The following CEMIP2 variants were observed in gnomAD, a reference collection of about 807,000 sequenced individuals.
CEMIP2 encodes the protein cell surface hyaluronidase CEMIP2.
Under a neutral mutation model 146.9 loss-of-function variants are expected in CEMIP2, and 79 were observed. The ratio of observed to expected loss-of-function variants is 0.54; its 90% CI spans 0.45 to 0.65. The LOEUF (loss-of-function observed/expected upper bound fraction) is 0.65. Among genes scored for constraint, CEMIP2 ranks in the 30% least tolerant of loss-of-function variants. The probability of loss-of-function intolerance (pLI) is 0.00; values close to 1 mark genes in which losing one functional copy is unlikely to be tolerated. For missense variants in CEMIP2, 1,596 were observed against 1,696.2 expected, an observed-to-expected ratio of 0.94 and a Z score of 1.04; for synonymous variants, 601 against 606.3, an observed-to-expected ratio of 0.99 and a Z score of 0.13.
At chr9:71,716,382 T>C (rs1168001043) in intron 14 of CEMIP2, 135 bp downstream of exon 14, 24 of 651,434 alleles carry the variant, frequency 3.7e-5, no homozygotes, top group Non-Finnish European at 5.7e-5. Context: ...GGCCCTCTAG[T>C]GGCATCAGGA....
chr9:71,728,854 C>G (rs1485441900), intron 10 of CEMIP2, among the ~76,000 whole-genome samples: 1 of 148,408 alleles, frequency 6.7e-6, no homozygotes, highest in Non-Finnish European at 1.5e-5. Context: ...TTTATTGACA[C>G]GGGGTCTCAC....
intron 1 of CEMIP2, among the ~76,000 whole-genome samples, chr9:71,767,852 T>C (rs1386923569): frequency 6.6e-6 from 1 of 152,046 alleles, no homozygotes. Context: ...CCCAGGGGAA[T>C]TGTAAGGAGA....
intron 18 of CEMIP2, among the ~76,000 whole-genome samples, chr9:71,702,035 A>G (rs1822575721): frequency 6.6e-6 from 1 of 152,114 alleles, no homozygotes; most frequent in Non-Finnish European, 1.5e-5. Flanking sequence ...AGGTAGGTGG[A>G]TTACTTGAGT....
At chr9:71,689,592 GTGA>G (rs1822168027) in intron 22 of CEMIP2, among the ~76,000 whole-genome samples, 1 of 152,176 alleles carries the variant, frequency 6.6e-6, no homozygotes, top group South Asian at 2.1e-4. Context: ...AGTGACCCAG[GTGA>G]TGACTTCCTG....
chr9:71,739,815 G>A (rs1040482360), intron 5 of CEMIP2, among the ~76,000 whole-genome samples: 13 of 151,728 alleles, frequency 8.6e-5, no homozygotes, highest in South Asian at 2.1e-4. Context: ...TATTTTATGC[G>A]TGGCCCAAGA....
intron 16 of CEMIP2, 37 bp downstream of exon 16, chr9:71,712,046 C>G (rs780094745): frequency 6.3e-7 from 1 of 1,595,844 alleles, no homozygotes; most frequent in South Asian, 1.1e-5. Context: ...CCTTTTTTCA[C>G]CATAGTCACT....
At chr9:71,690,309 A>T in intron 21 of CEMIP2, 63 bp from the exon 22 acceptor site, 1 of 1,569,370 alleles carries the variant, frequency 6.4e-7, no homozygotes, top group African/African-American at 1.4e-5. Flanking sequence ...AGGATGACTC[A>T]TTTTTCCGGC....
chr9:71,731,053 T>C, intron 7 of CEMIP2, 139 bp from the exon 8 acceptor site: 2 of 710,220 alleles, frequency 2.8e-6, no homozygotes, highest in South Asian at 1.9e-5. Context: ...TTTTCCCAGA[T>C]TGCCAGTTAA....
intron 12 of CEMIP2, among the ~76,000 whole-genome samples, chr9:71,720,587 C>T (rs528101536): frequency 3.3e-5 from 5 of 152,160 alleles, no homozygotes; most frequent in Non-Finnish European, 4.4e-5. Flanking sequence ...CCATCACGCC[C>T]GGCCCTGATT....
At chr9:71,714,436 A>T (rs1158456147) in intron 15 of CEMIP2, among the ~76,000 whole-genome samples, 1 of 152,162 alleles carries the variant, frequency 6.6e-6, no homozygotes, top group Admixed American at 6.6e-5. Context: ...GCCATTAATT[A>T]GACAGCTGTG....
intron 1 of CEMIP2, among the ~76,000 whole-genome samples, chr9:71,762,503 CAAAAAAAAAA>C (rs58090104): frequency 3.8e-5 from 3 of 79,734 alleles, no homozygotes; most frequent in Admixed American, 1.7e-4. Context: ...GCCCCGTCAC[CAAAAAAAAAA>C]AAAAAAAAAA....
At chr9:71,725,298 T>C (rs952723734) in intron 11 of CEMIP2, among the ~76,000 whole-genome samples, 2 of 152,156 alleles carry the variant, frequency 1.3e-5, no homozygotes, top group African/African-American at 2.4e-5. Flanking sequence ...ATGCTGATTA[T>C]AAAAGAGCTT....
Position 71,732,535 on chromosome 9 carries a change from C to T in CEMIP2, c.1394-15G>A, listed in dbSNP as rs1337884455. 1.3e-6 allele frequency: 2 copies of T among 1,566,524 alleles called. No individual in the cohort carries two copies. The highest frequency in any genetic ancestry group is 2.1e-5 in the Admixed American group (1 of 46,558). ...CTGAGGGGTTTCTGGTTGATATGAG[C>T]AAGGAAAAAAAAGAATATTAGAACA... On this transcript the variant is annotated splice_polypyrimidine_tract_variant and intron_variant, in intron 6 of 23. Coordinates refer to ENST00000377044, the MANE Select transcript of CEMIP2 (RefSeq NM_013390.3).
At chr9:71,756,236 G>T (rs55915147) in intron 1 of CEMIP2, among the ~76,000 whole-genome samples, 1 of 103,810 alleles carries the variant, frequency 9.6e-6, no homozygotes, top group Non-Finnish European at 2.1e-5. Flanking sequence ...ATGTATATAG[G>T]TGTATATATA....
intron 19 of CEMIP2, among the ~76,000 whole-genome samples, chr9:71,700,056 G>A (rs962366376): frequency 6.6e-6 from 1 of 152,172 alleles, no homozygotes; most frequent in African/African-American, 2.4e-5. Context: ...GAAGGAACAC[G>A]CTACCTGCTG....
intron 18 of CEMIP2, among the ~76,000 whole-genome samples, chr9:71,701,095 G>T (rs1031257106): frequency 3.3e-5 from 5 of 151,736 alleles, no homozygotes; most frequent in Non-Finnish European, 7.4e-5. Context: ...AATTTTTTTT[G>T]TTTTTGTTTT....
rs770197176 is a variant in CEMIP2, at chr9:71,744,998, T to A, written c.1034+20A>T. The A allele has an allele frequency of 6.2e-7, 1 of 1,603,858 alleles. No homozygotes were observed. The highest frequency in any genetic ancestry group is 1.1e-5 in the South Asian group (1 of 89,902). On this transcript the variant is annotated intron_variant, in intron 4 of 23. Transcript: ENST00000377044. The stretch of plus-strand genomic sequence containing the variant: ...ACAGACACGGACTCTGATAGGGATC[T>A]GGGAAGAAGGTATGCCTACCTGTAG...
intron 1 of CEMIP2, among the ~76,000 whole-genome samples, chr9:71,762,792 C>T (rs1054594090): frequency 1.3e-5 from 2 of 152,158 alleles, no homozygotes; most frequent in African/African-American, 4.8e-5. Context: ...GGGAGGATCA[C>T]TTGAGGCCAG....
Position 71,685,173 on chromosome 9 carries a change from C to T in CEMIP2, c.*24G>A. On this transcript the variant is annotated 3_prime_UTR_variant, in exon 24 of 24. Transcript: ENST00000377044. Reference sequence around the variant, plus strand: ...AAGTTAGTTCACATTTTTTTTCCCCCAGCACTTAAGTTACAGTTAGTCTCT... The same window carrying T: ...AAGTTAGTTCACATTTTTTTTCCCCTAGCACTTAAGTTACAGTTAGTCTCT... 1 of 1,548,974 alleles carries T rather than the reference C, an allele frequency of 6.5e-7. No individual in the cohort carries two copies. Among genetic ancestry groups the T allele is most frequent in the Non-Finnish European group, 8.7e-7 (1 of 1,144,628 alleles).
Sources: allele counts gnomAD v4.1 joint callset (sites outside exome capture counted in the v4.1 genomes callset), GRCh38; gene constraint gnomAD v4.1.1; transcripts MANE v1.5; gene names NCBI Gene and HGNC (gene_info 2026-07-23, HGNC 2026-07-21).